The following ADH7 variants were observed in gnomAD, a reference collection of about 807,000 sequenced individuals.
ADH7 encodes alcohol dehydrogenase 7 (class IV), mu or sigma polypeptide.
In ADH7, 41 loss-of-function variants were observed where a neutral mutation model predicts 34.4. The ratio of observed to expected loss-of-function variants is 1.19; its 90% CI spans 0.93 to 1.55. The LOEUF (loss-of-function observed/expected upper bound fraction) is 1.55. ADH7 is among the 40% of genes most tolerant of loss of function. The probability of loss-of-function intolerance (pLI) is 0.00; values close to 1 mark genes in which losing one functional copy is unlikely to be tolerated. For synonymous variants in ADH7, 180 were observed against 160.9 expected (o/e 1.12, Z -0.90); for missense variants, 540 against 461.2 (o/e 1.17, Z -1.56).
chr4:99,426,742 G>A (rs1270388890), intron 5 of ADH7, among the ~76,000 whole-genome samples: 1 of 152,110 alleles, frequency 6.6e-6, no homozygotes, highest in African/African-American at 2.4e-5. Context: ...TCAAAGCTGG[G>A]TAGAGACACA....
At chr4:99,434,904 T>G (rs1031611013) in intron 1 of ADH7, 5 of 798,756 alleles carry the variant, frequency 6.3e-6, no homozygotes, top group Non-Finnish European at 1.0e-5. Flanking sequence ...GTGGAAACAT[T>G]TGGCTTCCTG....
intron 8 of ADH7, among the ~76,000 whole-genome samples, chr4:99,414,405 C>A (rs1176732949): frequency 6.6e-6 from 1 of 152,082 alleles, no homozygotes. Context: ...ATAGTGGAAG[C>A]TCAATAATTA....
chr4:99,415,029 G>T (rs969762022), intron 8 of ADH7, among the ~76,000 whole-genome samples: 1 of 152,176 alleles, frequency 6.6e-6, no homozygotes, highest in South Asian at 2.1e-4. Flanking sequence ...TCAAGGGAGA[G>T]ACCAGGTGGA....
At chr4:99,433,715 G>A (rs924282017) in intron 1 of ADH7, among the ~76,000 whole-genome samples, 1 of 152,016 alleles carries the variant, frequency 6.6e-6, no homozygotes, top group African/African-American at 2.4e-5. Context: ...GCGAGAAGAG[G>A]GTCATCCACA....
In ADH7 at chr4:99,428,121, G is replaced by A. The variant is rs757367262; in HGVS notation, c.313C>T (p.Arg105Cys). The A allele has an allele frequency of 5.0e-6, 8 of 1,613,878 alleles. No individual in the cohort carries two copies. The highest frequency in any genetic ancestry group is 3.3e-5 in the Admixed American group (2 of 59,968). ...LPQCRECNAC[R>C]NPDGNLCIRS... ...ATGCAAAGGTTGCCATCTGGGTTGC[G>A]ACAAGCATTGCATTCTCTACATTGT... The change falls in exon 4 of 9, where the codon CGC becomes TGC. Residue 105 changes from arginine (R) to cysteine (C), a missense_variant. Physicochemically the swap from Arg to Cys is radical, Grantham distance 180. Transcript: ENST00000437033.
intron 5 of ADH7, among the ~76,000 whole-genome samples, chr4:99,424,554 T>G (rs1207130678): frequency 6.6e-6 from 1 of 152,208 alleles, no homozygotes; most frequent in Non-Finnish European, 1.5e-5. Context: ...TTTTATTTCC[T>G]TGAGCAGTGG....
At chr4:99,433,330 T>C (rs930353686) in intron 1 of ADH7, among the ~76,000 whole-genome samples, 1 of 152,136 alleles carries the variant, frequency 6.6e-6, no homozygotes, top group Non-Finnish European at 1.5e-5. Context: ...ATGTTTAAGA[T>C]GGAAAAATAG....
chr4:99,419,537 A>C (rs1181203586), intron 6 of ADH7, among the ~76,000 whole-genome samples: 95 of 152,158 alleles, frequency 6.2e-4, no homozygotes, highest in Non-Finnish European at 1.2e-4. Flanking sequence ...AAAATGTGGG[A>C]CAAAAGAGTC....
chr4:99,426,218 A>C (rs966691395), intron 5 of ADH7, among the ~76,000 whole-genome samples: 9 of 152,218 alleles, frequency 5.9e-5, no homozygotes, highest in Non-Finnish European at 4.4e-5. Flanking sequence ...TCACAGCAGA[A>C]CTGAAGGAAA....
At chr4:99,427,728 G>T in intron 5 of ADH7, 45 bp downstream of exon 5, 1 of 1,282,676 alleles carries the variant, frequency 7.8e-7, no homozygotes. Context: ...AATCATTTAA[G>T]AAAAGGAAAG....
chr4:99,413,340 T>G lies in ADH7; in HGVS notation c.1101-168A>C, dbSNP rs76580560. ...CAATTAGTTTTCTTTGTTACGCAAC[T>G]CTGATAAGGGTATCTGAGCTAATTC... On this transcript the variant is annotated intron_variant, in intron 8 of 8. Transcript: ENST00000437033. 7.7e-3 allele frequency among the ~76,000 whole-genome samples: 1,167 copies of G among 152,352 alleles called. 11 individuals carry two copies. The highest frequency in any genetic ancestry group is 0.014 in the Middle Eastern group (4 of 294).
intron 1 of ADH7, among the ~76,000 whole-genome samples, chr4:99,433,505 T>C (rs910224965): frequency 3.3e-5 from 5 of 152,148 alleles, no homozygotes; most frequent in Admixed American, 1.3e-4. Context: ...ATCATTGGTA[T>C]GGGATGAATT....
intron 1 of ADH7, among the ~76,000 whole-genome samples, chr4:99,431,319 G>A (rs1019016904): frequency 3.3e-5 from 5 of 152,038 alleles, no homozygotes; most frequent in African/African-American, 1.2e-4. Context: ...ATACATAAAA[G>A]TTAACTTAAG....
At chr4:99,430,982 T>C (rs924947910) in intron 1 of ADH7, among the ~76,000 whole-genome samples, 1 of 152,004 alleles carries the variant, frequency 6.6e-6, no homozygotes, top group Non-Finnish European at 1.5e-5. Flanking sequence ...TGTATTTTAG[T>C]AGAGACAGGG....
Position 99,427,979 on chromosome 4 carries a change from G to C in ADH7, c.358C>G (p.Arg120Gly), listed in dbSNP as rs539728659. Reference sequence around the variant, plus strand: ...GTGGTGCCATCAGCCAGTACTCCACGACCAGTAATACTGTTTGATACATCA... The same window carrying C: ...GTGGTGCCATCAGCCAGTACTCCACCACCAGTAATACTGTTTGATACATCA... The part of the protein sequence containing the change: ...NLCIRSDITG[R>G]GVLADGTTRF... The change falls in exon 5 of 9, where the codon CGT becomes GGT. Residue 120 changes from arginine (R) to glycine (G), a missense_variant. By Grantham distance (125) the Arg-to-Gly change is moderately radical (BLOSUM62 -2). Transcript: ENST00000437033. 6.2e-6 allele frequency: 10 copies of C among 1,613,682 alleles called. No individual in the cohort carries two copies. Among genetic ancestry groups the C allele is most frequent in the African/African-American group, 1.3e-5 (1 of 74,890 alleles).
chr4:99,427,756 C>G lies in ADH7; in HGVS notation c.564+17G>C. ...AAGGAAAGAAGAACAAATAAACTAG[C>G]CTACCCTGTTTCTTACCTTGCCAGT... On this transcript the variant is annotated intron_variant, in intron 5 of 8. Transcript: ENST00000437033. 6.7e-7 allele frequency: 1 copy of G among 1,484,524 alleles called. No homozygotes were observed. Among genetic ancestry groups the G allele is most frequent in the Non-Finnish European group, 9.0e-7 (1 of 1,113,306 alleles). 92.0% of individuals were successfully genotyped at this position (1,484,524 alleles called of 1,614,324 possible).
chr4:99,429,373 A>G (rs571515861), intron 2 of ADH7, among the ~76,000 whole-genome samples, 159 bp downstream of exon 2: 3 of 152,352 alleles, frequency 2.0e-5, no homozygotes, highest in African/African-American at 7.2e-5. Context: ...CACATCGAGT[A>G]CAACCAGATC....
chr4:99,423,774 A>G (rs1339149652), intron 5 of ADH7, among the ~76,000 whole-genome samples: 1 of 152,124 alleles, frequency 6.6e-6, no homozygotes, highest in African/African-American at 2.4e-5. Context: ...GATTCTGGAT[A>G]TTAGCCCTTT....
In ADH7 at chr4:99,420,568, A is replaced by G. The variant is rs1721624861; in HGVS notation, c.790T>C (p.Tyr264His). The G allele has an allele frequency of 6.2e-7, 1 of 1,613,826 alleles. No individual in the cohort carries two copies. Among genetic ancestry groups the G allele is most frequent in the Non-Finnish European group, 8.5e-7 (1 of 1,179,920 alleles). The change falls in exon 6 of 9, where the codon TAC (tyrosine) becomes CAC (histidine). Residue 264 changes from tyrosine (Y) to histidine (H), a missense_variant. By Grantham distance (83) the Tyr-to-His change is moderately conservative. Transcript: ENST00000437033. ...LSEMTGNNVG[Y>H]TFEVIGHLET... ...AGATGCCCAATAACTTCAAAGGTGT[A>G]TCCCACGTTGTTGCCTGTCATTTCT...
Sources: allele counts gnomAD v4.1 joint callset (sites outside exome capture counted in the v4.1 genomes callset), GRCh38; gene constraint gnomAD v4.1.1; transcripts MANE v1.5; gene names NCBI Gene and HGNC (gene_info 2026-07-23, HGNC 2026-07-21).